DLGAP2: variants seen among roughly 807,000 people sequenced by gnomAD.
DLGAP2 encodes the protein DLG associated protein 2.
A neutral mutation model predicts 100.3 loss-of-function variants in DLGAP2; 26 were observed. That is an observed-to-expected ratio of 0.26 (90% CI 0.19 to 0.36). The LOEUF (loss-of-function observed/expected upper bound fraction) is 0.36, where lower values mean the gene tolerates loss of function less well. Among genes scored for constraint, DLGAP2 ranks in the 10% least tolerant of loss-of-function variants. The pLI, the probability that DLGAP2 is intolerant of heterozygous loss-of-function variation, is 1.00. For synonymous variants in DLGAP2, 886 were observed against 630.1 expected (o/e 1.41, Z -6.08); for missense variants, 1,858 against 1,453.2 (o/e 1.28, Z -4.53).
At chr8:1,442,451 G>A (rs1291071363) in intron 3 of DLGAP2, among the ~76,000 whole-genome samples, 8 of 141,554 alleles carry the variant, frequency 5.7e-5, no homozygotes, top group African/African-American at 1.3e-4. Context: ...AGACGGATCC[G>A]GGCATAGACC....
At chr8:782,565 A>G (rs1162365946) in intron 1 of DLGAP2, among the ~76,000 whole-genome samples, 3 of 152,240 alleles carry the variant, frequency 2.0e-5, no homozygotes, top group African/African-American at 7.2e-5. Context: ...CAAAATAGTA[A>G]GAATTGAAAA....
At chr8:1,384,368 T>G (rs1796167422) in intron 3 of DLGAP2, among the ~76,000 whole-genome samples, 1 of 143,234 alleles carries the variant, frequency 7.0e-6, no homozygotes, top group South Asian at 2.3e-4. Context: ...TGGTGCACAG[T>G]TACCCCGGCC....
At chr8:944,168 G>T (rs1278373024) in intron 2 of DLGAP2, among the ~76,000 whole-genome samples, 1 of 152,226 alleles carries the variant, frequency 6.6e-6, no homozygotes, top group South Asian at 2.1e-4. Context: ...ATCCCTGTGG[G>T]GTGATCCAGT....
At chr8:1,341,034 A>T (rs566660484) in intron 3 of DLGAP2, among the ~76,000 whole-genome samples, 1 of 152,288 alleles carries the variant, frequency 6.6e-6, no homozygotes, top group South Asian at 2.1e-4. Context: ...CTAAATGATG[A>T]GAACTCACGG....
Position 971,428 on chromosome 8 carries a change from A to G in DLGAP2, c.73+63462A>G, listed in dbSNP as rs181053871. Among the ~76,000 whole-genome samples the G allele has an allele frequency of 3.9e-5, 6 of 152,272 alleles. No individual in the cohort carries two copies. The East Asian group carries it at 5.8e-4, about 15-fold the overall frequency. On this transcript the variant is annotated intron_variant, in intron 2 of 14. Transcript: ENST00000637795. ...GTCACAGGGCACGTGTTCCTCCCCA[A>G]AATTGGAGCAACCAGCAGATGGATG...
intron 1 of DLGAP2, among the ~76,000 whole-genome samples, chr8:787,341 C>T (rs1005148776): frequency 6.6e-6 from 1 of 152,212 alleles, no homozygotes; most frequent in Non-Finnish European, 1.5e-5. Flanking sequence ...ACCCTCCTTC[C>T]CATGTTGTAG....
At chr8:1,544,378 G>A (rs1472596161) in intron 4 of DLGAP2, among the ~76,000 whole-genome samples, 1 of 152,184 alleles carries the variant, frequency 6.6e-6, no homozygotes, top group Non-Finnish European at 1.5e-5. Flanking sequence ...CAGTGAAAGT[G>A]GGCATCCTTG....
At chr8:1,665,425 C>T (rs372296578) in intron 8 of DLGAP2, among the ~76,000 whole-genome samples, 3 of 152,330 alleles carry the variant, frequency 2.0e-5, no homozygotes, top group East Asian at 1.9e-4. Flanking sequence ...ATGGTTATGA[C>T]GCTTGATATG....
chr8:1,618,105 C>T (rs565174511), intron 6 of DLGAP2, among the ~76,000 whole-genome samples: 5 of 152,278 alleles, frequency 3.3e-5, no homozygotes, highest in Admixed American at 3.3e-4. Flanking sequence ...CCTCGCCAGA[C>T]ACAGAAGGCA....
chr8:787,417 C>T (rs938766144), intron 1 of DLGAP2, among the ~76,000 whole-genome samples: 1 of 152,206 alleles, frequency 6.6e-6, no homozygotes, highest in East Asian at 1.9e-4. Context: ...TAAAAAATAT[C>T]TTCTAACTTC....
chr8:1,324,408 C>G (rs1353611067), intron 3 of DLGAP2, among the ~76,000 whole-genome samples: 2 of 152,172 alleles, frequency 1.3e-5, no homozygotes. Flanking sequence ...TTCAGCTGGC[C>G]TTTATAAAAT....
At chr8:1,126,652 C>A (rs769888065) in intron 2 of DLGAP2, among the ~76,000 whole-genome samples, 1 of 152,142 alleles carries the variant, frequency 6.6e-6, no homozygotes, top group Non-Finnish European at 1.5e-5. Flanking sequence ...TAGACTCCCG[C>A]TGTGGGCGGT....
chr8:1,201,625 G>T (rs1206291546), intron 2 of DLGAP2, among the ~76,000 whole-genome samples: 1 of 152,218 alleles, frequency 6.6e-6, no homozygotes, highest in Non-Finnish European at 1.5e-5. Context: ...GCTCACACAG[G>T]GATTTACACA....
At chr8:1,075,547 T>C (rs1803579083) in intron 2 of DLGAP2, among the ~76,000 whole-genome samples, 1 of 152,140 alleles carries the variant, frequency 6.6e-6, no homozygotes, top group Admixed American at 6.5e-5. Flanking sequence ...GAAGTTTGCT[T>C]AAGTACCAAA....
intron 1 of DLGAP2, among the ~76,000 whole-genome samples, chr8:812,626 G>A (rs572900062): frequency 1.3e-5 from 2 of 152,252 alleles, no homozygotes; most frequent in East Asian, 1.9e-4. Context: ...TGTAATTATA[G>A]AGTAATATAT....
chr8:1,684,666 CA>C (rs1199846529), intron 12 of DLGAP2, among the ~76,000 whole-genome samples: 2 of 152,104 alleles, frequency 1.3e-5, no homozygotes, highest in African/African-American at 4.8e-5. Context: ...CACATTAATG[CA>C]GGCTGCCTAT....
At chr8:1,178,396 G>T (rs1028339627) in intron 2 of DLGAP2, among the ~76,000 whole-genome samples, 1 of 152,106 alleles carries the variant, frequency 6.6e-6, no homozygotes, top group East Asian at 1.9e-4. Context: ...AGTTCCTAAG[G>T]CTTCCTTAAT....
At chr8:1,575,491 T>A (rs955469507) in intron 6 of DLGAP2, among the ~76,000 whole-genome samples, 6 of 84,514 alleles carry the variant, frequency 7.1e-5, no homozygotes, top group African/African-American at 2.2e-4. Flanking sequence ...TATTATTATT[T>A]AAGTTCTAGG....
chr8:786,367 T>C (rs1052414854), intron 1 of DLGAP2, among the ~76,000 whole-genome samples: 5 of 152,268 alleles, frequency 3.3e-5, no homozygotes, highest in African/African-American at 9.6e-5. Context: ...GTGGTGCTTC[T>C]CATGCCTGCA....
Sources: allele counts gnomAD v4.1 joint callset (sites outside exome capture counted in the v4.1 genomes callset), GRCh38; gene constraint gnomAD v4.1.1; transcripts MANE v1.5; gene names NCBI Gene and HGNC (gene_info 2026-07-23, HGNC 2026-07-21).